The following SHTN1 variants were observed in gnomAD, a reference collection of about 807,000 sequenced individuals.
SHTN1 encodes the protein shootin 1.
Under a neutral mutation model 83.1 loss-of-function variants are expected in SHTN1, and 42 were observed. The observed-to-expected ratio is 0.51, with a 90% CI of 0.39 to 0.65. The LOEUF is 0.65. Ranked by LOEUF, SHTN1 falls within the 30% of genes least tolerant of loss-of-function variation. The probability of loss-of-function intolerance (pLI) is 0.00; values close to 1 mark genes in which losing one functional copy is unlikely to be tolerated. For missense variants in SHTN1, 622 were observed against 737.8 expected (o/e 0.84, Z 1.82); for synonymous variants, 224 against 247.7 (o/e 0.90, Z 0.90).
chr10:116,935,729 CAGA>C (rs1475086955), intron 9 of SHTN1, among the ~76,000 whole-genome samples: 4 of 152,130 alleles, frequency 2.6e-5, no homozygotes, highest in African/African-American at 9.7e-5. Flanking sequence ...GGAATAGTTT[CAGA>C]AGGAATGGTA....
At chr10:117,099,222 A>G (rs1009473768) in intron 1 of SHTN1, among the ~76,000 whole-genome samples, 1 of 152,064 alleles carries the variant, frequency 6.6e-6, no homozygotes, top group African/African-American at 2.4e-5. Context: ...TGAATCTTGG[A>G]GACTCAGGGT....
chr10:117,096,704 T>G (rs1257272213), intron 1 of SHTN1, among the ~76,000 whole-genome samples: 5 of 152,236 alleles, frequency 3.3e-5, no homozygotes, highest in Non-Finnish European at 5.9e-5. Context: ...CTATTTAAAA[T>G]GCAGCTCCGG....
chr10:116,940,708 T>A, intron 8 of SHTN1, 96 bp from the exon 9 acceptor site: 1 of 1,004,670 alleles, frequency 1.0e-6, no homozygotes, highest in Non-Finnish European at 1.4e-6. Context: ...GAATTTTTAT[T>A]AAATCATTAA....
At chr10:117,005,844 G>A (rs935170257), upstream of SHTN1, among the ~76,000 whole-genome samples, 1 of 152,228 alleles carries the variant, frequency 6.6e-6, no homozygotes, top group Non-Finnish European at 1.5e-5. Context: ...GGGGCCTGGA[G>A]GGCCCTTGCA....
intron 12 of SHTN1, among the ~76,000 whole-genome samples, chr10:116,916,656 T>C (rs1054567596): frequency 6.6e-6 from 1 of 152,202 alleles, no homozygotes; most frequent in African/African-American, 2.4e-5. Context: ...AGGCCTAGAT[T>C]ATGGCTTCTT....
intron 1 of SHTN1, among the ~76,000 whole-genome samples, chr10:117,077,224 G>A (rs7096110): frequency 0.97 from 147,524 of 152,304 alleles, 71,630 homozygotes; most frequent in Non-Finnish European, 1. Flanking sequence ...AGCTGATCAG[G>A]AGGAGGTATG....
intron 3 of SHTN1, among the ~76,000 whole-genome samples, chr10:116,967,445 A>G (rs1850435116): frequency 6.6e-6 from 1 of 152,220 alleles, no homozygotes; most frequent in Non-Finnish European, 1.5e-5. Context: ...TTATTAAGGT[A>G]TAAGTGACAT....
intron 4 of SHTN1, among the ~76,000 whole-genome samples, chr10:116,956,034 A>T (rs1849967652): frequency 6.6e-6 from 1 of 152,210 alleles, no homozygotes; most frequent in South Asian, 2.1e-4. Flanking sequence ...TCAATTCTCA[A>T]ACTATCCCAT....
intron 8 of SHTN1, among the ~76,000 whole-genome samples, chr10:116,941,773 C>T (rs1849380224): frequency 6.6e-6 from 1 of 152,112 alleles, no homozygotes; most frequent in South Asian, 2.1e-4. Flanking sequence ...AATCCTTAAG[C>T]TCTTGATCAG....
chr10:117,047,514 T>A (rs1852682300), intron 2 of SHTN1, among the ~76,000 whole-genome samples: 1 of 152,164 alleles, frequency 6.6e-6, no homozygotes, highest in African/African-American at 2.4e-5. Context: ...AGTCTGTTAT[T>A]GAAAGCAAAC....
chr10:117,009,119 A>AAAAAG (rs993032562), upstream of SHTN1, among the ~76,000 whole-genome samples: 2 of 152,168 alleles, frequency 1.3e-5, no homozygotes, highest in Admixed American at 1.3e-4. Context: ...CTGTCTCAAA[A>AAAAAG]AAAAGAAAAG....
At chr10:116,983,242 T>G (rs540656171) in intron 1 of SHTN1, among the ~76,000 whole-genome samples, 2 of 152,308 alleles carry the variant, frequency 1.3e-5, no homozygotes, top group Admixed American at 1.3e-4. Flanking sequence ...GTGTTGTTAT[T>G]AAGAGTAAAT....
chr10:117,106,131 A>G (rs1008459193), intron 1 of SHTN1, among the ~76,000 whole-genome samples: 15 of 151,964 alleles, frequency 9.9e-5, no homozygotes, highest in Admixed American at 9.8e-4. Context: ...AGATAAAAAA[A>G]AGATACCAGA....
At chr10:116,894,863 A>C (rs1188809478) in intron 16 of SHTN1, among the ~76,000 whole-genome samples, 1 of 152,222 alleles carries the variant, frequency 6.6e-6, no homozygotes, top group Non-Finnish European at 1.5e-5. Flanking sequence ...GCAAGAGGGC[A>C]AGAAAACATG....
rs1235425622 is a variant in SHTN1, at chr10:116,921,496, C to T, written c.1133G>A (p.Arg378Gln). The T allele has an allele frequency of 6.8e-6, 11 of 1,613,224 alleles. No individual in the cohort carries two copies. The highest frequency in any genetic ancestry group is 2.2e-5 in the South Asian group (2 of 90,942). ...ACTGCCACTGGGGTGGGATCGTTTC[C>T]GGATCATGGACATGAGGGATCTTTG... ...NPIRSLMSMI[R>Q]KRSHPSGSGA... Residue 378 changes from arginine (R) to glutamine (Q), a missense_variant, in exon 12 of 17, where the codon CGG becomes CAG. Physicochemically the swap from Arg to Gln is conservative, Grantham distance 43 (BLOSUM62 1). Coordinates refer to ENST00000355371, the MANE Select transcript of SHTN1 (RefSeq NM_001127211.3).
chr10:117,082,769 T>G (rs1853289913), intron 1 of SHTN1, among the ~76,000 whole-genome samples: 1 of 152,014 alleles, frequency 6.6e-6, no homozygotes, highest in Non-Finnish European at 1.5e-5. Flanking sequence ...CTTGTTGAAT[T>G]GATTCCTTTA....
In SHTN1 at chr10:117,098,439, A is replaced by C. The variant is rs971140614; in HGVS notation, c.-189+27868T>G. On this transcript the variant is annotated intron_variant, in intron 1 of 17. Coordinates refer to the SHTN1 transcript ENST00000392901. ...AAAAAAGTTCCTGAAATTTGAAATG[A>C]GATAGCCTGTGGAATAGGAGATTCT... Among the ~76,000 whole-genome samples the C allele has an allele frequency of 1.1e-4, 17 of 150,606 alleles. 1 individual carries two copies. Among genetic ancestry groups the C allele is most frequent in the African/African-American group, 3.9e-4 (16 of 41,174 alleles).
chr10:116,970,123 G>A (rs751380340), intron 2 of SHTN1, among the ~76,000 whole-genome samples: 4 of 152,064 alleles, frequency 2.6e-5, no homozygotes, highest in South Asian at 4.2e-4. Flanking sequence ...CTCACCTATC[G>A]GACTGGCAAA....
intron 2 of SHTN1, among the ~76,000 whole-genome samples, chr10:116,970,212 GA>G (rs1309286274): frequency 6.6e-6 from 1 of 151,974 alleles, no homozygotes; most frequent in Non-Finnish European, 1.5e-5. Flanking sequence ...AATTACTTTG[GA>G]AAAAAACTTC....
Sources: gnomAD v4.1 joint callset for allele counts (sites outside exome capture counted in the v4.1 genomes callset) on GRCh38, gnomAD v4.1.1 for gene constraint, MANE v1.5 for transcripts, NCBI Gene and HGNC (gene_info 2026-07-23, HGNC 2026-07-21) for gene names.